SPTLC3: variants seen among roughly 807,000 people sequenced by gnomAD.
SPTLC3 encodes the protein serine palmitoyltransferase 3.
In SPTLC3, 36 loss-of-function variants were observed where a neutral mutation model predicts 59.3. The observed-to-expected ratio is 0.61, with a 90% CI of 0.47 to 0.80. The LOEUF is 0.80. Ranked by LOEUF, SPTLC3 falls within the 30% of genes least tolerant of loss-of-function variation. SPTLC3 has a pLI of 0.00. For missense variants in SPTLC3, 625 were observed against 685.1 expected, an observed-to-expected ratio of 0.91 and a Z score of 0.98; for synonymous variants, 257 against 240.8, an observed-to-expected ratio of 1.07 and a Z score of -0.62.
At chr20:13,038,545 A>C (rs1360592542) in intron 1 of SPTLC3, among the ~76,000 whole-genome samples, 1 of 152,126 alleles carries the variant, frequency 6.6e-6, no homozygotes, top group Non-Finnish European at 1.5e-5. Flanking sequence ...TCTTGATTTT[A>C]GTAATTTTGC....
intron 6 of SPTLC3, among the ~76,000 whole-genome samples, chr20:13,095,754 G>C (rs903492695): frequency 3.3e-5 from 5 of 152,014 alleles, no homozygotes; most frequent in Admixed American, 6.6e-5. Context: ...CCCAGACCTT[G>C]CCAGTGTGCC....
Position 13,118,448 on chromosome 20 carries a change from G to GAAAAAAA in SPTLC3, c.1152+723_1152+724insAAAAAAA, listed in dbSNP as rs376312661. Among the ~76,000 whole-genome samples, 174 of 108,692 alleles carry GAAAAAAA rather than the reference G, an allele frequency of 1.6e-3. 2 individuals are homozygous for GAAAAAAA. The highest frequency in any genetic ancestry group is 2.4e-3 in the Non-Finnish European group (133 of 54,612). 71.3% of individuals were successfully genotyped at this position (108,692 alleles called of 152,430 possible). A position where few individuals can be genotyped will look rare whatever the true frequency, so the allele number is the denominator to read the frequency against. ...GTGCCAATATCACCAAGAGGTTTGT[G>GAAAAAAA]GAAAAAAAAAACAAAAAAAAACAAT... On this transcript the variant is annotated intron_variant, in intron 8 of 11. Transcript: ENST00000399002.
intron 9 of SPTLC3, among the ~76,000 whole-genome samples, chr20:13,141,611 C>A (rs1337673844): frequency 6.6e-6 from 1 of 152,212 alleles, no homozygotes; most frequent in Non-Finnish European, 1.5e-5. Flanking sequence ...AGGGCCCCGG[C>A]ATTCAAGGCC....
Position 13,167,756 on chromosome 20 carries a change from T to C in SPTLC3, c.*2889T>C, listed in dbSNP as rs894701208. On this transcript the variant is annotated 3_prime_UTR_variant, in exon 12 of 12. Transcript: ENST00000399002. ...GAATTTACTAGGAAGCTGGCTAAAA[T>C]CCATACCCCTAGGCCCTACACCAGA... 3.9e-5 allele frequency: 6 copies of C among 152,120 alleles called. No individual in the cohort carries two copies. Among genetic ancestry groups the C allele is most frequent in the African/African-American group, 1.4e-4 (6 of 41,414 alleles). 9.4% of individuals were successfully genotyped at this position (152,120 alleles called of 1,614,324 possible).
At chr20:13,098,828 T>C (rs1989508742) in intron 6 of SPTLC3, among the ~76,000 whole-genome samples, 1 of 152,170 alleles carries the variant, frequency 6.6e-6, no homozygotes, top group Admixed American at 6.6e-5. Context: ...TTAAGCAACT[T>C]GTCCAAGATC....
intron 4 of SPTLC3, among the ~76,000 whole-genome samples, chr20:13,080,548 T>C (rs1394883692): frequency 1.4e-5 from 2 of 147,792 alleles, no homozygotes; most frequent in African/African-American, 5.0e-5. Flanking sequence ...GCCAGGATAG[T>C]GTGACATTTC....
chr20:13,111,800 C>G (rs1262814923), intron 7 of SPTLC3, among the ~76,000 whole-genome samples: 1 of 152,204 alleles, frequency 6.6e-6, no homozygotes, highest in East Asian at 1.9e-4. Context: ...ATAAATAGAA[C>G]TTGGCTCCAG....
chr20:13,049,325 G>T lies in SPTLC3; in HGVS notation c.303+195G>T, dbSNP rs768889504. ...GACCTGTTTTTACAAACATCTCATG[G>T]GCAACTACTATTTGCCACATACCAA... is the stretch of plus-strand genomic sequence containing the variant. On this transcript the variant is annotated intron_variant, in intron 2 of 11. Transcript: ENST00000399002. 4.6e-5 allele frequency: 27 copies of T among 592,788 alleles called. No homozygotes were observed. In the African/African-American group the frequency reaches 4.7e-4, roughly 10 times the overall value. The allele number at this position is 592,788 out of a possible 1,614,324, so 36.7% of individuals were successfully genotyped here. A position where few individuals can be genotyped will look rare whatever the true frequency, so the allele number is the denominator to read the frequency against.
rs535268344 is a variant in SPTLC3 at position 13,165,438 on chromosome 20, A to C, written c.*571A>C. On this transcript the variant is annotated 3_prime_UTR_variant, in exon 12 of 12. Coordinates refer to ENST00000399002, the MANE Select transcript of SPTLC3 (RefSeq NM_018327.4). ...CAGACAAGTGTCAAAAGACATAGTT[A>C]ATGTTTCGAGGGGGAAAGCAGAACT... 3.6e-4 allele frequency: 55 copies of C among 152,548 alleles called. 1 individual carries two copies. The South Asian group carries it at 6.0e-3, about 17-fold the overall frequency. The allele number at this position is 152,548 out of a possible 1,614,324, so 9.4% of individuals were successfully genotyped here.
chr20:13,137,486 T>A (rs1318796013), intron 9 of SPTLC3, among the ~76,000 whole-genome samples: 3 of 152,108 alleles, frequency 2.0e-5, no homozygotes, highest in Admixed American at 6.5e-5. Flanking sequence ...ATATATATAT[T>A]AATATATTTG....
intron 1 of SPTLC3, among the ~76,000 whole-genome samples, chr20:13,026,105 C>T (rs971489764): frequency 6.6e-6 from 1 of 152,182 alleles, no homozygotes; most frequent in Non-Finnish European, 1.5e-5. Context: ...ATGTGTAACA[C>T]ATTTTCTTTA....
intron 2 of SPTLC3, among the ~76,000 whole-genome samples, chr20:13,061,095 T>A (rs1362705518): frequency 6.6e-6 from 1 of 152,190 alleles, no homozygotes. Context: ...CATCCTTTTT[T>A]CTCCACAATC....
In SPTLC3 at chr20:13,064,950, C is replaced by G. The variant is rs1282632900; in HGVS notation, c.304-7306C>G. ...AATCATGACATAATTTGAATATTAT[C>G]TTTTTCCCATACCATTTTCTAGTTA... On this transcript the variant is annotated intron_variant, in intron 2 of 11. Transcript: ENST00000399002. 2.6e-5 allele frequency among the ~76,000 whole-genome samples: 4 copies of G among 152,006 alleles called. No homozygotes were observed. In the East Asian group the frequency reaches 7.7e-4, roughly 29 times the overall value.
intron 8 of SPTLC3, among the ~76,000 whole-genome samples, chr20:13,124,343 A>AAGGAAGGG (rs1262579700): frequency 6.6e-6 from 1 of 151,792 alleles, no homozygotes; most frequent in African/African-American, 2.4e-5. Flanking sequence ...GGAAAGAAGG[A>AAGGAAGGG]AGGAAGGGAG....
rs769403027 is a variant in SPTLC3 at position 13,049,004 on chromosome 20, C to T, written c.177C>T (p.Pro59=). ...TTGTTGAATCGTTTGAGGAAGCACC[C>T]CTTCATGTTATGGTTTTCACTTACA... is the stretch of plus-strand genomic sequence containing the variant. ...KLIVESFEEA[P]LHVMVFTYMG... The change falls in exon 2 of 12, where the codon CCC becomes CCT. Residue 59 remains proline, a synonymous_variant. Coordinates refer to ENST00000399002, the MANE Select transcript of SPTLC3 (RefSeq NM_018327.4). 9 of 1,607,672 alleles carry T rather than the reference C, an allele frequency of 5.6e-6. No homozygotes were observed. The highest frequency in any genetic ancestry group is 7.6e-6 in the Non-Finnish European group (9 of 1,178,128).
At chr20:13,027,324 A>G (rs569323263) in intron 1 of SPTLC3, among the ~76,000 whole-genome samples, 1 of 152,256 alleles carries the variant, frequency 6.6e-6, no homozygotes, top group East Asian at 1.9e-4. Context: ...ATCTCATTGT[A>G]CCCTCAGTCA....
chr20:13,128,898 C>T (rs1396888300), intron 9 of SPTLC3, among the ~76,000 whole-genome samples: 1 of 135,252 alleles, frequency 7.4e-6, no homozygotes, highest in Non-Finnish European at 1.6e-5. Flanking sequence ...TTTTTGGAGA[C>T]AGAGTTTCGC....
chr20:13,028,402 C>T (rs1291618259), intron 1 of SPTLC3, among the ~76,000 whole-genome samples: 1 of 151,790 alleles, frequency 6.6e-6, no homozygotes, highest in Non-Finnish European at 1.5e-5. Flanking sequence ...TATATTGTAC[C>T]AAAGTTTTTA....
At chr20:13,054,851 G>A (rs1303752736) in intron 2 of SPTLC3, among the ~76,000 whole-genome samples, 1 of 152,004 alleles carries the variant, frequency 6.6e-6, no homozygotes, top group Non-Finnish European at 1.5e-5. Context: ...GATCTTCCAG[G>A]GTAAGTTCAT....
Sources: gnomAD v4.1 joint callset for allele counts (sites outside exome capture counted in the v4.1 genomes callset) on GRCh38, gnomAD v4.1.1 for gene constraint, MANE v1.5 for transcripts, NCBI Gene and HGNC (gene_info 2026-07-23, HGNC 2026-07-21) for gene names.